The following LARS1 variants were observed in gnomAD, a reference collection of about 807,000 sequenced individuals.
LARS1 encodes the protein leucine--tRNA ligase, cytoplasmic.
In LARS1, 100 loss-of-function variants were observed where a neutral mutation model predicts 162.8. The ratio of observed to expected loss-of-function variants is 0.61; its 90% CI spans 0.52 to 0.73. LARS1 has a LOEUF of 0.73. LARS1 is among the 30% of genes least tolerant of loss of function. LARS1 has a pLI of 0.00. For missense variants in LARS1, 1,258 were observed against 1,408.9 expected (o/e 0.89, Z 1.71); for synonymous variants, 457 against 462.8 (o/e 0.99, Z 0.16).
intron 26 of LARS1, 98 bp from the exon 27 acceptor site, chr5:146,128,880 T>C: frequency 2.8e-6 from 4 of 1,420,634 alleles, no homozygotes; most frequent in East Asian, 2.3e-5. Context: ...GTCTTCACCA[T>C]TAATGAAAAT....
rs58644900 is a variant in LARS1 at position 146,115,581 on chromosome 5, C to CAAAAAAAAAAAAAAAAAAAAAAAAAAA, written c.3326-1297_3326-1271dup. 9.7e-5 allele frequency among the ~76,000 whole-genome samples: 2 copies of CAAAAAAAAAAAAAAAAAAAAAAAAAAA among 20,584 alleles called. 1 individual carries two copies. Among genetic ancestry groups the CAAAAAAAAAAAAAAAAAAAAAAAAAAA allele is most frequent in the Non-Finnish European group, 2.1e-4 (2 of 9,422 alleles). 13.5% of individuals were successfully genotyped at this position (20,584 alleles called of 152,430 possible). ...GCAAGCTGAAAAAATAGCGCCTGACCAAAAAAAAAAAAAAAAAAAAAAAAA... is the reference window on the plus strand; with the variant it reads ...GCAAGCTGAAAAAATAGCGCCTGACCAAAAAAAAAAAAAAAAAAAAAAAAAAAAAAAAAAAAAAAAAAAAAAAAAAAA... On this transcript the variant is annotated intron_variant, in intron 31 of 31. Transcript: ENST00000394434.
intron 31 of LARS1, among the ~76,000 whole-genome samples, chr5:146,118,358 G>C (rs537813830): frequency 6.6e-6 from 1 of 152,268 alleles, no homozygotes; most frequent in East Asian, 1.9e-4. Flanking sequence ...TCAGAGGCTG[G>C]GAAGGATGGA....
chr5:146,156,717 A>C (rs929411887), intron 10 of LARS1, among the ~76,000 whole-genome samples: 7 of 151,962 alleles, frequency 4.6e-5, no homozygotes, highest in Non-Finnish European at 8.8e-5. Context: ...AAAATAAAAT[A>C]AAGTAGATGA....
At position 146,126,514 on chromosome 5, in the gene LARS1, A is replaced by C. The variant is rs1384340467; in HGVS notation, c.2912T>G (p.Val971Gly). 2.5e-6 allele frequency: 4 copies of C among 1,612,258 alleles called. No homozygotes were observed. The highest frequency in any genetic ancestry group is 3.4e-6 in the Non-Finnish European group (4 of 1,178,746). ...CATACTGCCTAGTTCACTAGCAATG[A>C]CTTTGTTGTCAGGCAGTTTTCCGTT... ...ANNGKLPDNKVIASELGSMPE... is the reference protein window; with the variant it reads ...ANNGKLPDNKGIASELGSMPE... The change falls in exon 28 of 32, where the codon GTC becomes GGC. Residue 971 changes from valine to glycine, a missense_variant. Coordinates refer to ENST00000394434, the MANE Select transcript of LARS1 (RefSeq NM_020117.11).
At chr5:146,176,908 T>G (rs1045962651) in intron 2 of LARS1, among the ~76,000 whole-genome samples, 2 of 152,184 alleles carry the variant, frequency 1.3e-5, no homozygotes, top group African/African-American at 4.8e-5. Flanking sequence ...AATAGAATAA[T>G]TTCGTTTTAT....
At chr5:146,134,002 G>A (rs1044480601) in intron 22 of LARS1, among the ~76,000 whole-genome samples, 24 of 152,028 alleles carry the variant, frequency 1.6e-4, no homozygotes, top group African/African-American at 4.8e-4. Flanking sequence ...GCGCCACCAC[G>A]CCCGGCTAAT....
chr5:146,138,968 G>A, intron 21 of LARS1: 1 of 373,854 alleles, frequency 2.7e-6, no homozygotes, highest in Non-Finnish European at 5.3e-6. Flanking sequence ...AAGGCTATTG[G>A]ACACAGAATC....
In LARS1 at chr5:146,168,072, T is replaced by C. The variant is rs1011475856; in HGVS notation, c.432+56A>G. 8 of 1,457,324 alleles carry C rather than the reference T, an allele frequency of 5.5e-6. No homozygotes were observed. In the East Asian group the frequency reaches 6.8e-5, roughly 12 times the overall value. The allele number at this position is 1,457,324 out of a possible 1,614,324, so 90.3% of individuals were successfully genotyped here. On this transcript the variant is annotated intron_variant, in intron 5 of 31. Coordinates refer to ENST00000394434, the MANE Select transcript of LARS1 (RefSeq NM_020117.11). ...ACTGTGCTAGTACTGGGAATGCACA[T>C]ATAAATCAGAAAAATATAAAACTTC...
chr5:146,158,373 G>A (rs535017845), intron 8 of LARS1, among the ~76,000 whole-genome samples: 46 of 152,158 alleles, frequency 3.0e-4, no homozygotes, highest in African/African-American at 1.7e-4. Flanking sequence ...TTAAAATTTT[G>A]ATCAACTCTC....
intron 5 of LARS1, among the ~76,000 whole-genome samples, chr5:146,167,025 G>A (rs1754039239): frequency 6.6e-6 from 1 of 152,050 alleles, no homozygotes; most frequent in African/African-American, 2.4e-5. Flanking sequence ...TCAATCTAAC[G>A]ATGAGAAAGC....
chr5:146,149,760 C>A, intron 14 of LARS1, 61 bp from the exon 15 acceptor site: 1 of 1,246,886 alleles, frequency 8.0e-7, no homozygotes, highest in South Asian at 1.3e-5. Context: ...CCTTGAGTTT[C>A]TTTCCTAATT....
In LARS1 at chr5:146,113,096, CTCTTGTTGCCTA is replaced by C. The variant is rs3836839; in HGVS notation, c.*998_*1009del. ...ATGGATTGATTGAGACAGAGTTTCA[CTCTTGTTGCCTA>C]AGCTGGAGTGCAATGGCACGGTTTC... On this transcript the variant is annotated 3_prime_UTR_variant, in exon 32 of 32. Coordinates refer to ENST00000394434, the MANE Select transcript of LARS1 (RefSeq NM_020117.11). The C allele has an allele frequency of 0.22, 33,819 of 152,084 alleles. 4,813 individuals are homozygous for C. Among genetic ancestry groups the C allele is most frequent in the Admixed American group, 0.34 (5,114 of 15,248 alleles). 9.4% of individuals were successfully genotyped at this position (152,084 alleles called of 1,614,324 possible).
At chr5:146,141,932 G>A (rs545748256) in intron 20 of LARS1, among the ~76,000 whole-genome samples, 38 of 152,090 alleles carry the variant, frequency 2.5e-4, no homozygotes, top group Admixed American at 9.2e-4. Context: ...AGGCCAAGGC[G>A]GGTGGATCAC....
chr5:146,126,797 T>C lies in LARS1; in HGVS notation c.2881-252A>G, dbSNP rs114164186. 1.7e-3 allele frequency among the ~76,000 whole-genome samples: 265 copies of C among 152,260 alleles called. 2 individuals are homozygous for C. The highest frequency in any genetic ancestry group is 5.9e-3 in the African/African-American group (245 of 41,570). On this transcript the variant is annotated intron_variant, in intron 27 of 31. Coordinates refer to ENST00000394434, the MANE Select transcript of LARS1 (RefSeq NM_020117.11). ...AAAAAGAAGTGATTTGTGTTGAATA[T>C]TTCTCCTGTTCAGAAACTAAATGGT...
At chr5:146,172,284 G>A (rs1401346731) in intron 3 of LARS1, among the ~76,000 whole-genome samples, 1 of 152,150 alleles carries the variant, frequency 6.6e-6, no homozygotes, top group Non-Finnish European at 1.5e-5. Context: ...TTCAGAGGCC[G>A]AGGCTGGTGG....
chr5:146,131,483 C>CA (rs1752275583), intron 23 of LARS1: 1 of 134,974 alleles, frequency 7.4e-6, no homozygotes. Flanking sequence ...AGGTTGTAGC[C>CA]AAGTTTTTTT....
intron 20 of LARS1, 123 bp downstream of exon 20, chr5:146,142,746 TAAG>T (rs1460619973): frequency 1.5e-5 from 11 of 724,988 alleles, no homozygotes; most frequent in Non-Finnish European, 2.4e-5. Flanking sequence ...ATATTTAAGA[TAAG>T]AAAAAGAATG....
At chr5:146,136,351 T>C (rs1366706943) in intron 21 of LARS1, among the ~76,000 whole-genome samples, 3 of 152,350 alleles carry the variant, frequency 2.0e-5, no homozygotes, top group East Asian at 3.9e-4. Flanking sequence ...ATAATAAATG[T>C]ATTGTTCTTC....
At chr5:146,133,163 C>T in intron 22 of LARS1, 82 bp from the exon 23 acceptor site, 1 of 1,152,304 alleles carries the variant, frequency 8.7e-7, no homozygotes, top group South Asian at 1.5e-5. Context: ...AGTTGGATAC[C>T]TTGCAAAGCC....
Sources: gnomAD v4.1 joint callset for allele counts (sites outside exome capture counted in the v4.1 genomes callset) on GRCh38, gnomAD v4.1.1 for gene constraint, MANE v1.5 for transcripts, NCBI Gene and HGNC (gene_info 2026-07-23, HGNC 2026-07-21) for gene names.